CSMD1: variants seen among roughly 807,000 people sequenced by gnomAD.
The protein encoded by CSMD1 is CUB and sushi domain-containing protein 1.
A neutral mutation model predicts 417.5 loss-of-function variants in CSMD1; 213 were observed. That is an observed-to-expected ratio of 0.51 (90% CI 0.46 to 0.57). The LOEUF is 0.57. CSMD1 is among the 20% of genes least tolerant of loss of function. CSMD1 has a pLI of 0.00. For missense variants in CSMD1, 6,923 were observed against 4,529.7 expected, an observed-to-expected ratio of 1.53 and a Z score of -15.17; for synonymous variants, 2,862 against 1,736.8, an observed-to-expected ratio of 1.65 and a Z score of -16.11.
intron 35 of CSMD1, among the ~76,000 whole-genome samples, chr8:3,188,171 CATA>C (rs3050279): frequency 0.013 from 1,903 of 147,242 alleles, 107 homozygotes; most frequent in Admixed American, 0.094. Flanking sequence ...CCTCCAATGC[CATA>C]ATATTATATA....
rs1321698009 is a variant in CSMD1, at chr8:3,188,077, CATATGT to C, written c.5524-118_5524-113del. ...TAAGGTGTATATGTATATATATATA[CATATGT>C]ATATGTATATATATATACATATACA... On this transcript the variant is annotated intron_variant, in intron 35 of 69. Coordinates refer to ENST00000635120, the MANE Select transcript of CSMD1 (RefSeq NM_033225.6). 206 of 387,656 alleles carry C rather than the reference CATATGT, an allele frequency of 5.3e-4. 2 individuals carry two copies. The highest frequency in any genetic ancestry group is 3.1e-3 in the African/African-American group (144 of 46,034). The allele number at this position is 387,656 out of a possible 1,614,324, so 24.0% of individuals were successfully genotyped here.
intron 3 of CSMD1, among the ~76,000 whole-genome samples, chr8:4,124,940 T>C (rs1430537622): frequency 6.6e-6 from 1 of 152,142 alleles, no homozygotes; most frequent in Non-Finnish European, 1.5e-5. Flanking sequence ...ACAGCAACTC[T>C]TCCGGGTCCC....
intron 14 of CSMD1, 59 bp downstream of exon 14, chr8:3,407,840 A>C: frequency 2.1e-6 from 3 of 1,436,622 alleles, no homozygotes; most frequent in South Asian, 1.4e-5. Flanking sequence ...ATATAAGCAA[A>C]ATGGGAACAT....
intron 5 of CSMD1, among the ~76,000 whole-genome samples, chr8:3,827,826 G>A (rs1035512772): frequency 6.6e-6 from 1 of 152,102 alleles, no homozygotes; most frequent in East Asian, 1.9e-4. Flanking sequence ...GTAAAAGTCG[G>A]TCCACTAATA....
At chr8:4,460,807 A>G (rs1003165293) in intron 2 of CSMD1, among the ~76,000 whole-genome samples, 1 of 152,210 alleles carries the variant, frequency 6.6e-6, no homozygotes, top group Middle Eastern at 3.2e-3. Context: ...AGAAAATTCC[A>G]GGCTCAAATG....
At chr8:4,803,298 C>G (rs562035326) in intron 1 of CSMD1, among the ~76,000 whole-genome samples, 1 of 152,202 alleles carries the variant, frequency 6.6e-6, no homozygotes, top group East Asian at 1.9e-4. Context: ...AAAGCAATTC[C>G]CTTTAGTGTT....
chr8:3,142,497 T>C lies in CSMD1; in HGVS notation c.6209A>G (p.Gln2070Arg), dbSNP rs781214748. Residue 2070 changes from glutamine to arginine, a missense_variant, in exon 41 of 70, where the codon CAA becomes CGA. Transcript: ENST00000635120. ...AGCAAGTTTAAATCCTTGCCGGTTT[T>C]GCGAATGGTCACTATAAAAGTGGAT... ...TLIHFYSDHS[Q>R]NRQGFKLAYQ... is the part of the protein sequence containing the mutation. The C allele has an allele frequency of 6.2e-7, 1 of 1,613,952 alleles. No homozygotes were observed. The highest frequency in any genetic ancestry group is 1.7e-5 in the Admixed American group (1 of 60,016).
chr8:4,450,042 G>A (rs969904393), intron 2 of CSMD1, among the ~76,000 whole-genome samples: 1 of 152,090 alleles, frequency 6.6e-6, no homozygotes, highest in Non-Finnish European at 1.5e-5. Flanking sequence ...TTGATGACTG[G>A]GTTCCACTTT....
At chr8:4,155,560 C>A (rs1401098278) in intron 3 of CSMD1, among the ~76,000 whole-genome samples, 1 of 152,244 alleles carries the variant, frequency 6.6e-6, no homozygotes, top group South Asian at 2.1e-4. Context: ...TGTCTTAGAA[C>A]GAACGTTCTT....
chr8:4,252,903 C>A (rs535967926), intron 3 of CSMD1, among the ~76,000 whole-genome samples: 1 of 152,290 alleles, frequency 6.6e-6, no homozygotes, highest in East Asian at 1.9e-4. Context: ...TTGTTCATGA[C>A]CAACTTAAGT....
intron 5 of CSMD1, among the ~76,000 whole-genome samples, chr8:3,947,304 T>A (rs997542510): frequency 5.3e-5 from 8 of 152,192 alleles, no homozygotes; most frequent in South Asian, 4.1e-4. Flanking sequence ...AGCTTTTAAT[T>A]TCCAGTCTGT....
At chr8:3,396,874 C>G (rs1328623262) in intron 16 of CSMD1, among the ~76,000 whole-genome samples, 1 of 151,614 alleles carries the variant, frequency 6.6e-6, no homozygotes, top group Non-Finnish European at 1.5e-5. Flanking sequence ...GTTTAAACAC[C>G]TTTCCTGAAA....
chr8:2,970,898 T>A (rs567310458), intron 57 of CSMD1, among the ~76,000 whole-genome samples: 2 of 152,206 alleles, frequency 1.3e-5, no homozygotes, highest in Non-Finnish European at 2.9e-5. Flanking sequence ...ACTACAGGAT[T>A]AAACAAACTT....
intron 2 of CSMD1, among the ~76,000 whole-genome samples, chr8:4,548,784 T>C (rs887707386): frequency 3.9e-5 from 6 of 152,208 alleles, no homozygotes; most frequent in South Asian, 2.1e-4. Flanking sequence ...TTCCTGTTAG[T>C]TCACGGGAAA....
intron 1 of CSMD1, among the ~76,000 whole-genome samples, chr8:4,733,120 C>T (rs1008941250): frequency 6.6e-6 from 1 of 152,122 alleles, no homozygotes; most frequent in African/African-American, 2.4e-5. Flanking sequence ...AGAAGGCAAC[C>T]ATTCATTCCT....
intron 5 of CSMD1, among the ~76,000 whole-genome samples, chr8:3,894,977 T>C (rs2129129864): frequency 6.6e-6 from 1 of 152,286 alleles, no homozygotes; most frequent in East Asian, 1.9e-4. Flanking sequence ...GAAGAGTCAA[T>C]CATGAATCTC....
intron 1 of CSMD1, among the ~76,000 whole-genome samples, chr8:4,966,724 C>G (rs201141576): frequency 6.6e-6 from 1 of 152,052 alleles, no homozygotes; most frequent in Non-Finnish European, 1.5e-5. Context: ...TGGCAAAAAA[C>G]TAAAAAGGAC....
chr8:4,857,369 G>C (rs1322795687), intron 1 of CSMD1, among the ~76,000 whole-genome samples: 1 of 151,594 alleles, frequency 6.6e-6, no homozygotes, highest in African/African-American at 2.4e-5. Flanking sequence ...AGAAAAGCAA[G>C]AGCAAACACA....
At position 4,340,958 on chromosome 8, in the gene CSMD1, C is replaced by T. The variant is rs117129954; in HGVS notation, c.415+78995G>A. On this transcript the variant is annotated intron_variant, in intron 3 of 69. Coordinates refer to ENST00000635120, the MANE Select transcript of CSMD1 (RefSeq NM_033225.6). ...CTGAGAGAATGTAGTCTGTACTCTG[C>T]GGGTTTATTTCAAGCTGATGGATTT... Among the ~76,000 whole-genome samples, 1,337 of 152,100 alleles carry T rather than the reference C, an allele frequency of 8.8e-3. 6 individuals are homozygous for T. Among genetic ancestry groups the T allele is most frequent in the Middle Eastern group, 0.014 (4 of 294 alleles).
Sources: allele counts gnomAD v4.1 joint callset (sites outside exome capture counted in the v4.1 genomes callset), GRCh38; gene constraint gnomAD v4.1.1; transcripts MANE v1.5; gene names NCBI Gene and HGNC (gene_info 2026-07-23, HGNC 2026-07-21).